SLC14A2: variants seen among roughly 807,000 people sequenced by gnomAD.
The protein encoded by SLC14A2 is solute carrier family 14 member 2.
SLC14A2 carries 91 observed loss-of-function variants against 104.6 expected under a neutral mutation model. The observed-to-expected ratio is 0.87, with a 90% confidence interval of 0.73 to 1.04. The LOEUF is 1.04. Among genes scored for constraint, SLC14A2 ranks in the 50% least tolerant of loss-of-function variants. The pLI, the probability that SLC14A2 is intolerant of heterozygous loss-of-function variation, is 0.00. For synonymous variants in SLC14A2, 476 were observed against 466.4 expected, an observed-to-expected ratio of 1.02 and a Z score of -0.27; for missense variants, 1,189 against 1,156.0, an observed-to-expected ratio of 1.03 and a Z score of -0.41.
intron 1 of SLC14A2, among the ~76,000 whole-genome samples, chr18:45,217,738 C>G (rs182565320): frequency 1.3e-5 from 2 of 151,976 alleles, no homozygotes; most frequent in South Asian, 2.1e-4. Flanking sequence ...ATTTTCTGGC[C>G]CTGTGCTTAC....
At chr18:45,531,868 A>G (rs544863018) in intron 2 of SLC14A2, among the ~76,000 whole-genome samples, 3 of 152,238 alleles carry the variant, frequency 2.0e-5, no homozygotes, top group Non-Finnish European at 4.4e-5. Flanking sequence ...ATCTTGAATT[A>G]CTTTTTGTAT....
chr18:45,271,262 C>T lies in SLC14A2; in HGVS notation c.-125+58071C>T, dbSNP rs181141252. ...AAGGAAATGCCCTCTGTTGTGTAGA[C>T]ATCTTAGTGGCTGGGCCAGTCCAGT... On this transcript the variant is annotated intron_variant, in intron 1 of 20. Coordinates refer to the SLC14A2 transcript ENST00000586448. Among the ~76,000 whole-genome samples the T allele has an allele frequency of 1.9e-3, 288 of 152,212 alleles. 1 individual carries two copies. The highest frequency in any genetic ancestry group is 3.2e-3 in the Non-Finnish European group (219 of 67,978).
chr18:45,506,575 G>A (rs1041604723), intron 2 of SLC14A2, among the ~76,000 whole-genome samples: 13 of 152,162 alleles, frequency 8.5e-5, no homozygotes, highest in Non-Finnish European at 1.6e-4. Flanking sequence ...ACATGAGAGA[G>A]AGAAACAAAG....
chr18:45,207,622 C>G, the SLC14A2 span, among the ~76,000 whole-genome samples: 1 of 152,062 alleles, frequency 6.6e-6, no homozygotes, highest in East Asian at 1.9e-4. Context: ...ACAGCTTGAC[C>G]ATCAGCCTTC....
At chr18:45,308,985 G>A (rs149752982) in intron 1 of SLC14A2, among the ~76,000 whole-genome samples, 47 of 152,252 alleles carry the variant, frequency 3.1e-4, no homozygotes, top group East Asian at 2.1e-3. Flanking sequence ...GGACCCAGGC[G>A]TCCGTACTTC....
chr18:45,494,151 C>A (rs571782462), intron 2 of SLC14A2, among the ~76,000 whole-genome samples: 1 of 152,294 alleles, frequency 6.6e-6, no homozygotes, highest in East Asian at 1.9e-4. Context: ...ACCAGGAAGG[C>A]AAGAATTGGG....
rs577619398 is a variant in SLC14A2, at chr18:45,632,384, G to A, written c.556G>A (p.Gly186Arg). 91 of 1,613,800 alleles carry A rather than the reference G, an allele frequency of 5.6e-5. No individual in the cohort carries two copies. Among genetic ancestry groups the A allele is most frequent in the Non-Finnish European group, 6.7e-5 (79 of 1,179,936 alleles). The change falls in exon 5 of 20, where the codon GGG (glycine) becomes AGG (arginine). Residue 186 changes from glycine (G) to arginine (R), a missense_variant. Physicochemically the swap from Gly to Arg is moderately radical, Grantham distance 125. Coordinates refer to ENST00000255226, the MANE Select transcript of SLC14A2 (RefSeq NM_007163.4). ...TGCCTCAGGACTCCATGGGTACAAC[G>A]GGATGCTGGTGGGACTGCTGATGGC... Reference protein sequence around the residue: ...AIASGLHGYNGMLVGLLMAVF... With the variant: ...AIASGLHGYNRMLVGLLMAVF...
At chr18:45,627,993 A>T in intron 4 of SLC14A2, among the ~76,000 whole-genome samples, 2 of 138,952 alleles carry the variant, frequency 1.4e-5, no homozygotes, top group South Asian at 2.4e-4. Flanking sequence ...ACAGAGCAAG[A>T]CTTTCTCAAA....
At chr18:45,264,234 T>G (rs1341894788) in intron 1 of SLC14A2, among the ~76,000 whole-genome samples, 1 of 152,196 alleles carries the variant, frequency 6.6e-6, no homozygotes, top group Non-Finnish European at 1.5e-5. Context: ...TTTTTGTTTT[T>G]ATTGCTCATT....
intron 1 of SLC14A2, among the ~76,000 whole-genome samples, chr18:45,239,991 A>G (rs1377492717): frequency 6.6e-6 from 1 of 151,662 alleles, no homozygotes; most frequent in Non-Finnish European, 1.5e-5. Context: ...GTGTATCTAT[A>G]CCGCATTTTC....
intron 1 of SLC14A2, among the ~76,000 whole-genome samples, chr18:45,404,972 G>A (rs533143060): frequency 6.6e-6 from 1 of 152,266 alleles, no homozygotes; most frequent in Non-Finnish European, 1.5e-5. Context: ...ACTGCCCTGA[G>A]GTGCAAAGTC....
At chr18:45,287,257 C>A (rs538609340) in intron 1 of SLC14A2, among the ~76,000 whole-genome samples, 3 of 152,278 alleles carry the variant, frequency 2.0e-5, no homozygotes, top group African/African-American at 7.2e-5. Flanking sequence ...GGATTACCTG[C>A]TAGCATTAAT....
At chr18:45,523,514 T>A (rs1239740454) in intron 2 of SLC14A2, among the ~76,000 whole-genome samples, 10 of 148,608 alleles carry the variant, frequency 6.7e-5, no homozygotes, top group Non-Finnish European at 1.3e-4. Flanking sequence ...TTTTTTTTTT[T>A]AAGTAAACAC....
intron 2 of SLC14A2, among the ~76,000 whole-genome samples, chr18:45,495,809 C>T (rs996756415): frequency 4.6e-5 from 7 of 152,238 alleles, no homozygotes; most frequent in East Asian, 1.9e-4. Context: ...GTATCTGCAA[C>T]GTAGCAGCCC....
chr18:45,360,534 G>C (rs16978350), intron 1 of SLC14A2, among the ~76,000 whole-genome samples: 14 of 151,990 alleles, frequency 9.2e-5, no homozygotes, highest in Non-Finnish European at 1.9e-4. Context: ...TTTTCTAAAG[G>C]CTTCTGGTAA....
chr18:45,478,769 C>G (rs1194664332), intron 1 of SLC14A2, among the ~76,000 whole-genome samples: 1 of 151,820 alleles, frequency 6.6e-6, no homozygotes, highest in Non-Finnish European at 1.5e-5. Context: ...TAGCCTTTAC[C>G]TTTTTCCAGA....
intron 1 of SLC14A2, among the ~76,000 whole-genome samples, chr18:45,248,732 C>T (rs915467933): frequency 2.6e-5 from 4 of 152,166 alleles, no homozygotes; most frequent in Non-Finnish European, 5.9e-5. Flanking sequence ...CTGGAAGTGA[C>T]TTGGATGTTT....
the SLC14A2 span, among the ~76,000 whole-genome samples, chr18:45,201,502 C>T: frequency 6.6e-6 from 1 of 151,824 alleles, no homozygotes; most frequent in South Asian, 2.1e-4. Flanking sequence ...AAGCTCTTGG[C>T]TCTTGTGTTC....
At chr18:45,372,139 C>T (rs2085729225) in intron 1 of SLC14A2, among the ~76,000 whole-genome samples, 1 of 152,016 alleles carries the variant, frequency 6.6e-6, no homozygotes, top group Non-Finnish European at 1.5e-5. Context: ...TGGCAAAACT[C>T]CATCTCTACT....
Sources: allele counts gnomAD v4.1 joint callset (sites outside exome capture counted in the v4.1 genomes callset), GRCh38; gene constraint gnomAD v4.1.1; transcripts MANE v1.5; gene names NCBI Gene and HGNC (gene_info 2026-07-23, HGNC 2026-07-21).